Variants in GGA2 observed in about 807,000 individuals in gnomAD.
The protein encoded by GGA2 is ADP-ribosylation factor-binding protein GGA2.
A neutral mutation model predicts 79.5 loss-of-function variants in GGA2; 48 were observed. The observed-to-expected ratio is 0.60, with a 90% CI of 0.48 to 0.77. GGA2 has a LOEUF of 0.77. Among genes scored for constraint, GGA2 ranks in the 30% least tolerant of loss-of-function variants. The pLI is 0.00. For missense variants in GGA2, 770 were observed against 774.0 expected (o/e 0.99, Z 0.06); for synonymous variants, 317 against 302.0 (o/e 1.05, Z -0.51).
intron 13 of GGA2, among the ~76,000 whole-genome samples, chr16:23,476,470 C>G (rs922484960): frequency 6.6e-6 from 1 of 152,084 alleles, no homozygotes; most frequent in Non-Finnish European, 1.5e-5. Flanking sequence ...TAAGGCACTC[C>G]CCCAAGCACC....
rs778809190 is a variant in GGA2, at chr16:23,486,763, G to T, written c.607C>A (p.His203Asn). 6.2e-7 allele frequency: 1 copy of T among 1,611,848 alleles called. No homozygotes were observed. Among genetic ancestry groups the T allele is most frequent in the South Asian group, 1.1e-5 (1 of 91,026 alleles). The change falls in exon 7 of 17, where the codon CAC becomes AAC. Residue 203 changes from histidine to asparagine, a missense_variant. His to Asn is a moderately conservative substitution (Grantham distance 68). Coordinates refer to ENST00000309859, the MANE Select transcript of GGA2 (RefSeq NM_015044.4). ...KLLTRLLKSN[H>N]PEDLQAANRL... ...TTTGCAGCCTGAAGGTCCTCGGGGT[G>T]GTTGCTCTTTAGAAGCCTTGTCAGA... is the stretch of plus-strand genomic sequence containing the variant.
chr16:23,468,628 C>G (rs1158385259), intron 16 of GGA2, among the ~76,000 whole-genome samples: 1 of 151,842 alleles, frequency 6.6e-6, no homozygotes, highest in Admixed American at 6.6e-5. Flanking sequence ...TGCGTGCCCC[C>G]ACAACCAGCT....
chr16:23,503,674 G>A (rs1288079211), intron 1 of GGA2, among the ~76,000 whole-genome samples: 12 of 152,068 alleles, frequency 7.9e-5, no homozygotes, highest in Admixed American at 2.0e-4. Flanking sequence ...AAAATACTTC[G>A]TGCCCTGCAC....
At chr16:23,509,663 CAGA>C (rs905855329) in intron 1 of GGA2, among the ~76,000 whole-genome samples, 2 of 150,852 alleles carry the variant, frequency 1.3e-5, no homozygotes, top group African/African-American at 4.9e-5. Flanking sequence ...AGGAGACATG[CAGA>C]AGAATTCTGG....
rs942364913 is a variant in GGA2 at position 23,488,701 on chromosome 16, T to C, written c.484A>G (p.Lys162Glu). 7 of 1,573,168 alleles carry C rather than the reference T, an allele frequency of 4.4e-6. No individual in the cohort carries two copies. The highest frequency in any genetic ancestry group is 2.7e-5 in the African/African-American group (2 of 73,964). ...YQMLKKQGII[K>E]QDPKLPVDKI... is the part of the protein sequence containing the mutation. Reference sequence around the variant, plus strand: ...TCCACTGGTAGTTTAGGGTCTTGTTTTATAATTCCTAAAAATGCAATTTAC... The same window carrying C: ...TCCACTGGTAGTTTAGGGTCTTGTTCTATAATTCCTAAAAATGCAATTTAC... The change falls in exon 6 of 17, where the codon AAA (lysine) becomes GAA (glutamate). Residue 162 changes from lysine to glutamate, a missense_variant. By Grantham distance (56) the Lys-to-Glu change is moderately conservative (BLOSUM62 1). Coordinates refer to ENST00000309859, the MANE Select transcript of GGA2 (RefSeq NM_015044.4).
chr16:23,468,167 A>G (rs988708000), intron 16 of GGA2, among the ~76,000 whole-genome samples: 26 of 150,168 alleles, frequency 1.7e-4, no homozygotes, highest in African/African-American at 6.4e-4. Flanking sequence ...TCTTTCATCT[A>G]TCTGTCTGTC....
At chr16:23,474,843 T>C in intron 14 of GGA2, 61 bp downstream of exon 14, 1 of 1,256,408 alleles carries the variant, frequency 8.0e-7, no homozygotes, top group African/African-American at 1.5e-5. Context: ...TGGAAAAAGC[T>C]GGGAGTCTAA....
At chr16:23,471,568 T>TAA (rs112123490) in intron 14 of GGA2, among the ~76,000 whole-genome samples, 12 of 147,618 alleles carry the variant, frequency 8.1e-5, no homozygotes, top group African/African-American at 3.0e-4. Context: ...GTTAATCAGC[T>TAA]AAAAAAAAAA....
chr16:23,510,796 T>G (rs564364774), upstream of GGA2, among the ~76,000 whole-genome samples: 1 of 152,198 alleles, frequency 6.6e-6, no homozygotes, highest in Non-Finnish European at 1.5e-5. Flanking sequence ...AGCCTCCACC[T>G]CCTAGGCTCA....
At position 23,493,288 on chromosome 16, in the gene GGA2, G is replaced by A. The variant is rs1233653715; in HGVS notation, c.351+72C>T. ...CCATGCGTGGGCCTGCCTCTGGCCT[G>A]AGGAGGGAGCCAGGAGTTTGACAGT... On this transcript the variant is annotated intron_variant, in intron 4 of 16. Coordinates refer to ENST00000309859, the MANE Select transcript of GGA2 (RefSeq NM_015044.4). 4 of 912,662 alleles carry A rather than the reference G, an allele frequency of 4.4e-6. No individual in the cohort carries two copies. In the Admixed American group the frequency reaches 6.8e-5, roughly 16 times the overall value. The allele number at this position is 912,662 out of a possible 1,614,324, so 56.5% of individuals were successfully genotyped here. A position where few individuals can be genotyped will look rare whatever the true frequency, so the allele number is the denominator to read the frequency against.
At position 23,466,048 on chromosome 16, in the gene GGA2, T is replaced by C. The variant is rs1415977774; in HGVS notation, c.*1542A>G. Reference sequence around the variant, plus strand: ...GAAATCACCCCACTGTTTACCTGTTTTATGAGTTTTTACATTTGCTTAAAA... The same window carrying C: ...GAAATCACCCCACTGTTTACCTGTTCTATGAGTTTTTACATTTGCTTAAAA... On this transcript the variant is annotated 3_prime_UTR_variant, in exon 17 of 17. Transcript: ENST00000309859. 1 of 152,276 alleles carries C rather than the reference T, an allele frequency of 6.6e-6. No homozygotes were observed. The highest frequency in any genetic ancestry group is 1.5e-5 in the Non-Finnish European group (1 of 68,102). 9.4% of individuals were successfully genotyped at this position (152,276 alleles called of 1,614,324 possible).
chr16:23,482,711 T>C (rs1964662985), intron 9 of GGA2, among the ~76,000 whole-genome samples: 1 of 152,172 alleles, frequency 6.6e-6, no homozygotes, highest in South Asian at 2.1e-4. Flanking sequence ...TCCACTTCTT[T>C]TCAGGCTTTA....
chr16:23,484,147 C>T (rs4558420), intron 8 of GGA2, among the ~76,000 whole-genome samples: 107,294 of 150,590 alleles, frequency 0.71, 39,302 homozygotes, highest in Non-Finnish European at 0.81. Flanking sequence ...GTGGCTCACA[C>T]CTGTAATCCC....
chr16:23,509,811 G>C (rs1400277977), intron 1 of GGA2, among the ~76,000 whole-genome samples: 1 of 149,922 alleles, frequency 6.7e-6, no homozygotes, highest in Non-Finnish European at 1.5e-5. Context: ...TCTGGCCAAA[G>C]TAAACACAAA....
intron 5 of GGA2, among the ~76,000 whole-genome samples, 186 bp downstream of exon 5, chr16:23,491,491 T>A (rs923572700): frequency 1.3e-5 from 2 of 148,218 alleles, no homozygotes; most frequent in African/African-American, 5.0e-5. Flanking sequence ...AGGTTTGCAC[T>A]ATGGCTTTTA....
chr16:23,467,507 C>A lies in GGA2; in HGVS notation c.*83G>T, dbSNP rs1964455821. 2 of 749,890 alleles carry A rather than the reference C, an allele frequency of 2.7e-6. No individual in the cohort carries two copies. Among genetic ancestry groups the A allele is most frequent in the Admixed American group, 2.0e-5 (1 of 49,920 alleles). 46.5% of individuals were successfully genotyped at this position (749,890 alleles called of 1,614,324 possible). A position where few individuals can be genotyped will look rare whatever the true frequency, so the allele number is the denominator to read the frequency against. ...AGGATAGGACTCTTGGCACTCCGCA[C>A]TGAAACACCGTGATTAGTCCTGACT... On this transcript the variant is annotated 3_prime_UTR_variant, in exon 17 of 17. Transcript: ENST00000309859.
chr16:23,519,583 T>C (rs1254248531), intron 2 of GGA2: 2 of 414,564 alleles, frequency 4.8e-6, no homozygotes, highest in Admixed American at 2.9e-5. Context: ...GAGAGATGAT[T>C]TACCTTCAGG....
At chr16:23,493,023 A>G (rs1251484471) in intron 4 of GGA2, among the ~76,000 whole-genome samples, 1 of 152,212 alleles carries the variant, frequency 6.6e-6, no homozygotes, top group East Asian at 1.9e-4. Flanking sequence ...TACAGAGGAC[A>G]AGGCAGGAGG....
chr16:23,510,486 G>T lies in GGA2; in HGVS notation c.-75C>A, dbSNP rs1252868143. ...CTGTAGCGTCCTGGCGCTCTCCTCT[G>T]CTGACTGCGCGGCAGGAGCGGTGGA... is the stretch of plus-strand genomic sequence containing the variant. On this transcript the variant is annotated 5_prime_UTR_variant, in exon 1 of 17. Coordinates refer to ENST00000309859, the MANE Select transcript of GGA2 (RefSeq NM_015044.4). 5.6e-6 allele frequency: 3 copies of T among 535,302 alleles called. No individual in the cohort carries two copies. The highest frequency in any genetic ancestry group is 5.8e-6 in the Non-Finnish European group (2 of 345,712). The allele number at this position is 535,302 out of a possible 1,614,324, so 33.2% of individuals were successfully genotyped here. A position where few individuals can be genotyped will look rare whatever the true frequency, so the allele number is the denominator to read the frequency against.
Sources: gnomAD v4.1 joint callset for allele counts (sites outside exome capture counted in the v4.1 genomes callset) on GRCh38, gnomAD v4.1.1 for gene constraint, MANE v1.5 for transcripts, NCBI Gene and HGNC (gene_info 2026-07-23, HGNC 2026-07-21) for gene names.